Variants in QTMAN observed in about 807,000 individuals in gnomAD.
The protein encoded by QTMAN is tRNA-queuosine alpha-mannosyltransferase.
the QTMAN span, among the ~76,000 whole-genome samples, chr2:143,981,772 C>G: frequency 4.1e-4 from 62 of 152,252 alleles, 2 homozygotes; most frequent in South Asian, 0.013. Flanking sequence ...CAAGGGTGAA[C>G]ACAATATGGA....
the QTMAN span, among the ~76,000 whole-genome samples, chr2:144,113,164 G>A: frequency 5.3e-5 from 8 of 151,786 alleles, no homozygotes; most frequent in East Asian, 1.9e-4. Context: ...GAATCACAAC[G>A]AATTCAAGCA....
the QTMAN span, among the ~76,000 whole-genome samples, chr2:144,221,962 C>A: frequency 6.6e-6 from 1 of 152,116 alleles, no homozygotes. Flanking sequence ...TATAAGGAAT[C>A]TGAGGCTGTA....
At chr2:144,028,685 ATT>A in the QTMAN span, among the ~76,000 whole-genome samples, 1 of 152,152 alleles carries the variant, frequency 6.6e-6, no homozygotes, top group Non-Finnish European at 1.5e-5. Flanking sequence ...AAAAATATAT[ATT>A]GTTCTTCTAC....
chr2:143,995,437 T>C, the QTMAN span, among the ~76,000 whole-genome samples: 1 of 152,194 alleles, frequency 6.6e-6, no homozygotes, highest in Non-Finnish European at 1.5e-5. Flanking sequence ...TAAGAATAGC[T>C]AATGTTTAGT....
At chr2:144,272,668 A>G in the QTMAN span, among the ~76,000 whole-genome samples, 1 of 152,154 alleles carries the variant, frequency 6.6e-6, no homozygotes, top group Non-Finnish European at 1.5e-5. Context: ...CAGAACTGTT[A>G]CAAATGCTAA....
the QTMAN span, chr2:144,006,459 A>G: frequency 6.6e-6 from 1 of 152,144 alleles, no homozygotes; most frequent in Admixed American, 6.5e-5. Context: ...GTGTACTCTA[A>G]TCAGGCCACA....
chr2:144,039,389 C>T, the QTMAN span, among the ~76,000 whole-genome samples: 6 of 152,096 alleles, frequency 3.9e-5, no homozygotes, highest in South Asian at 1.2e-3. Flanking sequence ...ACAGATATGA[C>T]CAAGTGAGCT....
At chr2:144,074,773 T>C in the QTMAN span, among the ~76,000 whole-genome samples, 1 of 152,188 alleles carries the variant, frequency 6.6e-6, no homozygotes, top group African/African-American at 2.4e-5. Context: ...GCAAACACTT[T>C]AGATTATATC....
chr2:144,236,629 G>A, the QTMAN span, among the ~76,000 whole-genome samples: 1 of 151,818 alleles, frequency 6.6e-6, no homozygotes, highest in Admixed American at 6.6e-5. Flanking sequence ...CATCCAAAAA[G>A]GACCATTTAT....
chr2:143,956,670 T>G, the QTMAN span, among the ~76,000 whole-genome samples: 1 of 152,176 alleles, frequency 6.6e-6, no homozygotes, highest in Non-Finnish European at 1.5e-5. Flanking sequence ...GCTCATTTTA[T>G]TCATTTATCT....
At chr2:144,200,422 G>A in the QTMAN span, among the ~76,000 whole-genome samples, 1 of 152,166 alleles carries the variant, frequency 6.6e-6, no homozygotes, top group East Asian at 1.9e-4. Context: ...GCATGTTCTA[G>A]ACCAGTGGTG....
the QTMAN span, among the ~76,000 whole-genome samples, chr2:144,318,396 T>A: frequency 6.6e-6 from 1 of 152,206 alleles, no homozygotes; most frequent in Admixed American, 6.5e-5. Context: ...ATCCAGAACA[T>A]CCCTTTCATT....
At chr2:144,311,678 G>T in the QTMAN span, among the ~76,000 whole-genome samples, 10 of 152,166 alleles carry the variant, frequency 6.6e-5, no homozygotes, top group African/African-American at 2.2e-4. Flanking sequence ...ATATCCTTTT[G>T]TTCTTTCAAG....
chr2:144,081,487 A>C, the QTMAN span, among the ~76,000 whole-genome samples: 2 of 152,182 alleles, frequency 1.3e-5, no homozygotes, highest in African/African-American at 4.8e-5. Context: ...GGTTGAAACT[A>C]GGGAAATCTG....
chr2:144,270,817 T>C, the QTMAN span, among the ~76,000 whole-genome samples: 2 of 151,620 alleles, frequency 1.3e-5, no homozygotes. Flanking sequence ...GAACTTAAAG[T>C]AAAACAAAAA....
the QTMAN span, among the ~76,000 whole-genome samples, chr2:144,328,482 T>C: frequency 6.6e-6 from 1 of 152,236 alleles, no homozygotes; most frequent in South Asian, 2.1e-4. Flanking sequence ...AATGAAAATC[T>C]TGCAGGCAAA....
At chr2:144,175,643 A>G in the QTMAN span, among the ~76,000 whole-genome samples, 3 of 151,600 alleles carry the variant, frequency 2.0e-5, no homozygotes, top group Non-Finnish European at 4.4e-5. Flanking sequence ...ATTTATCTGT[A>G]TCTATTTATC....
chr2:144,107,284 C>T, the QTMAN span, among the ~76,000 whole-genome samples: 20 of 152,026 alleles, frequency 1.3e-4, no homozygotes, highest in South Asian at 1.2e-3. Flanking sequence ...AATAGAGACA[C>T]AAAAAACCCT....
At chr2:144,255,614 TAAGA>T in the QTMAN span, among the ~76,000 whole-genome samples, 1 of 152,208 alleles carries the variant, frequency 6.6e-6, no homozygotes, top group Non-Finnish European at 1.5e-5. Flanking sequence ...GCAAAAGTTG[TAAGA>T]TTGCAACTAC....
Sources: gnomAD v4.1 joint callset for allele counts (sites outside exome capture counted in the v4.1 genomes callset) on GRCh38, gnomAD v4.1.1 for gene constraint, MANE v1.5 for transcripts, NCBI Gene and HGNC (gene_info 2026-07-23, HGNC 2026-07-21) for gene names.